Variants in SLC4A4 observed in about 807,000 individuals in gnomAD.
SLC4A4 encodes electrogenic sodium bicarbonate cotransporter 1.
In SLC4A4, 27 loss-of-function variants were observed where a neutral mutation model predicts 111.5. The ratio of observed to expected loss-of-function variants is 0.24; its 90% CI spans 0.18 to 0.33. The LOEUF (loss-of-function observed/expected upper bound fraction) is 0.33. SLC4A4 is among the 10% of genes least tolerant of loss of function. The pLI is 1.00. For synonymous variants in SLC4A4, 443 were observed against 463.4 expected (o/e 0.96, Z 0.57); for missense variants, 909 against 1,315.5 (o/e 0.69, Z 4.78).
intron 3 of SLC4A4, among the ~76,000 whole-genome samples, chr4:71,308,629 ACTCCCTCCCCT>A (rs1265775168): frequency 9.5e-4 from 144 of 151,228 alleles, no homozygotes; most frequent in Middle Eastern, 3.4e-3. Flanking sequence ...GGGCCGGGGG[ACTCCCTCCCCT>A]AGCCAAGGAA....
rs185356698 is a variant in SLC4A4, at chr4:71,332,545, C to T, written c.254-6825C>T. Among the ~76,000 whole-genome samples the T allele has an allele frequency of 1.2e-4, 18 of 151,516 alleles. No homozygotes were observed. In the East Asian group the frequency reaches 3.3e-3, roughly 28 times the overall value. On this transcript the variant is annotated intron_variant, in intron 3 of 25. Coordinates refer to ENST00000264485, the MANE Select transcript of SLC4A4 (RefSeq NM_001098484.3). Reference sequence around the variant, plus strand: ...CTGCAAGCTCCGCCTTCCGGGTTCACGCCATTCTCCTGCCTCAGCCTCCCG... The same window carrying T: ...CTGCAAGCTCCGCCTTCCGGGTTCATGCCATTCTCCTGCCTCAGCCTCCCG...
chr4:71,441,005 A>G (rs1273021192), intron 8 of SLC4A4, among the ~76,000 whole-genome samples: 1 of 152,144 alleles, frequency 6.6e-6, no homozygotes. Flanking sequence ...CTTCTTTTGG[A>G]TTATTCTACT....
intron 1 of SLC4A4, among the ~76,000 whole-genome samples, chr4:71,218,802 T>C (rs1367155395): frequency 6.6e-6 from 1 of 152,178 alleles, no homozygotes; most frequent in Admixed American, 6.5e-5. Flanking sequence ...AATTTTATTA[T>C]TATTTCTATA....
intron 6 of SLC4A4, among the ~76,000 whole-genome samples, chr4:71,380,800 C>T (rs1464620923): frequency 6.6e-6 from 1 of 152,164 alleles, no homozygotes; most frequent in African/African-American, 2.4e-5. Flanking sequence ...CTATTCCTCC[C>T]TCTGCTTCTT....
chr4:71,281,707 C>T (rs1198618361), intron 3 of SLC4A4, among the ~76,000 whole-genome samples: 1 of 152,164 alleles, frequency 6.6e-6, no homozygotes, highest in African/African-American at 2.4e-5. Context: ...GAATACATAA[C>T]ACAACATGTA....
chr4:71,264,714 T>C (rs188884394), intron 3 of SLC4A4, among the ~76,000 whole-genome samples: 68 of 152,246 alleles, frequency 4.5e-4, no homozygotes, highest in African/African-American at 1.6e-3. Flanking sequence ...TTACTTCTTG[T>C]GACACTGCTG....
intron 3 of SLC4A4, among the ~76,000 whole-genome samples, chr4:71,293,074 C>T (rs553907600): frequency 1.6e-4 from 24 of 150,330 alleles, no homozygotes; most frequent in African/African-American, 5.6e-4. Flanking sequence ...AACTCCTGAC[C>T]TTGTGATCCA....
At chr4:71,533,513 A>G (rs376851061) in intron 17 of SLC4A4, among the ~76,000 whole-genome samples, 1 of 151,990 alleles carries the variant, frequency 6.6e-6, no homozygotes, top group East Asian at 1.9e-4. Context: ...AGCGTAGGAA[A>G]CCCTTTTTTT....
chr4:71,329,047 T>G (rs1727732296), intron 3 of SLC4A4, among the ~76,000 whole-genome samples: 1 of 152,122 alleles, frequency 6.6e-6, no homozygotes, highest in African/African-American at 2.4e-5. Flanking sequence ...AATATCCAGT[T>G]TTCCTAGCAG....
intron 1 of SLC4A4, among the ~76,000 whole-genome samples, 151 bp downstream of exon 1, chr4:71,187,552 G>T (rs1437954371): frequency 1.3e-5 from 2 of 152,002 alleles, no homozygotes; most frequent in East Asian, 1.9e-4. Context: ...ATTGCGGGCC[G>T]GGCATCCCCT....
At chr4:71,283,166 T>C (rs1016891747) in intron 3 of SLC4A4, among the ~76,000 whole-genome samples, 1 of 152,184 alleles carries the variant, frequency 6.6e-6, no homozygotes, top group East Asian at 1.9e-4. Context: ...TGCTGATTTG[T>C]TTTATATTTT....
chr4:71,493,457 A>T (rs1269204525), intron 15 of SLC4A4, among the ~76,000 whole-genome samples: 1 of 152,034 alleles, frequency 6.6e-6, no homozygotes, highest in Non-Finnish European at 1.5e-5. Context: ...TGTTCAATCA[A>T]CAATGATTTC....
intron 2 of SLC4A4, among the ~76,000 whole-genome samples, chr4:71,112,357 CAT>C (rs1259264100): frequency 5.3e-5 from 8 of 152,168 alleles, no homozygotes; most frequent in Non-Finnish European, 1.0e-4. Context: ...ATGGATTACT[CAT>C]ATTATCTGAG....
intron 7 of SLC4A4, among the ~76,000 whole-genome samples, chr4:71,413,358 A>C (rs1353237771): frequency 6.6e-6 from 1 of 152,206 alleles, no homozygotes; most frequent in African/African-American, 2.4e-5. Context: ...AACTGCTAGC[A>C]GTCATTTGGA....
intron 13 of SLC4A4, among the ~76,000 whole-genome samples, chr4:71,468,379 A>G (rs1363342340): frequency 1.3e-5 from 2 of 152,130 alleles, no homozygotes; most frequent in Non-Finnish European, 2.9e-5. Context: ...TAATCTACAG[A>G]AAATGTTTGC....
intron 6 of SLC4A4, among the ~76,000 whole-genome samples, chr4:71,359,273 T>C (rs563918972): frequency 6.6e-6 from 1 of 152,372 alleles, no homozygotes; most frequent in South Asian, 2.1e-4. Context: ...TGAAATGTTA[T>C]ATATGCTGGG....
intron 6 of SLC4A4, among the ~76,000 whole-genome samples, chr4:71,375,116 C>T (rs1469077577): frequency 1.3e-5 from 2 of 152,114 alleles, no homozygotes; most frequent in African/African-American, 4.8e-5. Flanking sequence ...TTTGCTTAGT[C>T]TGATCCAGTA....
intron 1 of SLC4A4, among the ~76,000 whole-genome samples, chr4:71,089,961 T>G (rs1168133050): frequency 7.6e-6 from 1 of 131,554 alleles, no homozygotes; most frequent in African/African-American, 2.6e-5. Flanking sequence ...AGAATTCTGT[T>G]GCCTTTTGTT....
chr4:71,452,720 A>C (rs1725879994), intron 11 of SLC4A4, among the ~76,000 whole-genome samples: 1 of 152,126 alleles, frequency 6.6e-6, no homozygotes, highest in African/African-American at 2.4e-5. Context: ...TGACCTGCTG[A>C]CATTTGTCAT....
Sources: gnomAD v4.1 joint callset for allele counts (sites outside exome capture counted in the v4.1 genomes callset) on GRCh38, gnomAD v4.1.1 for gene constraint, MANE v1.5 for transcripts, NCBI Gene and HGNC (gene_info 2026-07-23, HGNC 2026-07-21) for gene names.